Variants in F9 observed in about 807,000 individuals in gnomAD.
The protein encoded by F9 is coagulation factor IX.
F9 carries 2 observed loss-of-function variants against 34.1 expected under a neutral mutation model. The ratio of observed to expected loss-of-function variants is 0.06; its 90% CI spans 0.02 to 0.18. F9 has a LOEUF of 0.18. F9 is among the 10% of genes least tolerant of loss of function. The pLI, the probability that F9 is intolerant of heterozygous loss-of-function variation, is 1.00. For missense variants in F9, 216 were observed against 345.1 expected (o/e 0.63, Z 2.96); for synonymous variants, 137 against 118.8 (o/e 1.15, Z -1.00).
Position 139,562,245 on chromosome X carries a change from T to G in F9, c.*174T>G, listed in dbSNP as rs770172170. ...TTACCTGAGCAAATTGATTAGAAAA[T>G]GGAACCACTAGAGGAATATAATGTG... On this transcript the variant is annotated 3_prime_UTR_variant, in exon 8 of 8. Transcript: ENST00000218099. 6.4e-6 allele frequency: 3 copies of G among 467,663 alleles called. No individual in the cohort carries two copies. Among genetic ancestry groups the G allele is most frequent in the African/African-American group, 2.4e-5 (1 of 41,008 alleles). 38.5% of individuals were successfully genotyped at this position (467,663 alleles called of 1,213,427 possible).
intron 3 of F9, among the ~76,000 whole-genome samples, chrX:139,538,944 G>A (rs950632963): frequency 5.6e-5 from 6 of 107,339 alleles, no homozygotes; most frequent in African/African-American, 2.2e-4. Flanking sequence ...CTACTGCTTC[G>A]TCAACCAAAA....
chrX:139,552,470 T>A (rs1299844190), intron 6 of F9, among the ~76,000 whole-genome samples: 1 of 112,059 alleles, frequency 8.9e-6, no homozygotes, highest in Non-Finnish European at 1.9e-5. Context: ...ATAACCCACC[T>A]CTTTGGCCCC....
At chrX:139,542,858 G>C (rs1317726183) in intron 4 of F9, among the ~76,000 whole-genome samples, 1 of 110,941 alleles carries the variant, frequency 9.0e-6, no homozygotes, top group African/African-American at 3.3e-5. Context: ...GGTCAAGGCT[G>C]TGCAGTTGTA....
chrX:139,552,686 G>A (rs1927873564), intron 6 of F9, among the ~76,000 whole-genome samples: 2 of 112,556 alleles, frequency 1.8e-5, no homozygotes, highest in Non-Finnish European at 3.7e-5. Flanking sequence ...TGCAAGCGGA[G>A]ATAGAACACT....
intron 6 of F9, among the ~76,000 whole-genome samples, chrX:139,555,344 G>C (rs1019049521): frequency 8.9e-6 from 1 of 112,358 alleles, no homozygotes; most frequent in African/African-American, 3.2e-5. Flanking sequence ...CACGTATCCC[G>C]TCTGCGGTCA....
intron 4 of F9, among the ~76,000 whole-genome samples, chrX:139,544,443 G>A (rs1927670675): frequency 9.0e-6 from 1 of 110,730 alleles, no homozygotes; most frequent in South Asian, 3.9e-4. Context: ...TAAAGCTCAA[G>A]CTGGTTCCTT....
intron 1 of F9, among the ~76,000 whole-genome samples, chrX:139,532,393 A>T (rs1308354095): frequency 8.9e-6 from 1 of 112,006 alleles, no homozygotes; most frequent in Non-Finnish European, 1.9e-5. Context: ...TGCTGCCTTT[A>T]GGTATTATTG....
Position 139,557,509 on chromosome X carries a change from A to G in F9, c.724-3232A>G, listed in dbSNP as rs781382217. ...GAAGCAAGTCTTTGTCAGGAGTCAGACTAGCTACATCATAATCTCTCTGCC... is the reference window on the plus strand; with the variant it reads ...GAAGCAAGTCTTTGTCAGGAGTCAGGCTAGCTACATCATAATCTCTCTGCC... On this transcript the variant is annotated intron_variant, in intron 6 of 7. Coordinates refer to ENST00000218099, the MANE Select transcript of F9 (RefSeq NM_000133.4). Among the ~76,000 whole-genome samples the G allele has an allele frequency of 1.4e-4, 16 of 112,024 alleles. 1 individual carries two copies. The East Asian group carries it at 4.2e-3, about 30-fold the overall frequency.
At chrX:139,542,910 T>C (rs894743193) in intron 4 of F9, among the ~76,000 whole-genome samples, 3 of 111,405 alleles carry the variant, frequency 2.7e-5, no homozygotes, top group Non-Finnish European at 5.7e-5. Flanking sequence ...TATATTGATC[T>C]GACCCACCAA....
Sources: gnomAD v4.1 joint callset for allele counts (sites outside exome capture counted in the v4.1 genomes callset) on GRCh38, gnomAD v4.1.1 for gene constraint, MANE v1.5 for transcripts, NCBI Gene and HGNC (gene_info 2026-07-23, HGNC 2026-07-21) for gene names.